The following DPP6 variants were observed in gnomAD, a reference collection of about 807,000 sequenced individuals.
DPP6 encodes the protein A-type potassium channel modulatory protein DPP6.
In DPP6, 69 loss-of-function variants were observed where a neutral mutation model predicts 122.6. The observed-to-expected ratio is 0.56, with a 90% CI of 0.46 to 0.69. The LOEUF (loss-of-function observed/expected upper bound fraction) is 0.69. DPP6 is among the 30% of genes least tolerant of loss of function. The probability of loss-of-function intolerance (pLI) is 0.00; values close to 1 mark genes in which losing one functional copy is unlikely to be tolerated. For synonymous variants in DPP6, 418 were observed against 433.1 expected, an observed-to-expected ratio of 0.97 and a Z score of 0.43; for missense variants, 928 against 1,116.9, an observed-to-expected ratio of 0.83 and a Z score of 2.41.
intron 3 of DPP6, among the ~76,000 whole-genome samples, chr7:154,485,139 C>A (rs1823673830): frequency 6.6e-6 from 1 of 152,034 alleles, no homozygotes; most frequent in South Asian, 2.1e-4. Context: ...AGCCTGTATC[C>A]CATGGCCAGC....
At chr7:153,988,382 C>G (rs1457171120) in intron 1 of DPP6, among the ~76,000 whole-genome samples, 3 of 152,066 alleles carry the variant, frequency 2.0e-5, no homozygotes, top group Non-Finnish European at 1.5e-5. Flanking sequence ...CCACTGTCCT[C>G]TGGTTTGCCT....
chr7:154,365,037 G>A (rs553051099), intron 1 of DPP6, among the ~76,000 whole-genome samples: 20 of 152,260 alleles, frequency 1.3e-4, no homozygotes, highest in African/African-American at 4.1e-4. Flanking sequence ...GAGTTACACC[G>A]GGCTTATACC....
chr7:154,060,946 C>T (rs1325174698), intron 1 of DPP6, among the ~76,000 whole-genome samples: 6 of 147,754 alleles, frequency 4.1e-5, no homozygotes, highest in Admixed American at 4.0e-4. Context: ...ATAGGACCCC[C>T]ATCGTTGATG....
intron 1 of DPP6, among the ~76,000 whole-genome samples, chr7:153,951,301 C>G (rs900489974): frequency 6.6e-6 from 1 of 152,178 alleles, no homozygotes; most frequent in Non-Finnish European, 1.5e-5. Flanking sequence ...ACAGGTGCAT[C>G]TGGACGCAAA....
At chr7:153,824,085 T>C in the DPP6 span, among the ~76,000 whole-genome samples, 2 of 152,160 alleles carry the variant, frequency 1.3e-5, no homozygotes, top group Non-Finnish European at 2.9e-5. Flanking sequence ...TTCTACCCTA[T>C]CACATCAGAA....
intron 7 of DPP6, among the ~76,000 whole-genome samples, chr7:154,673,840 A>G (rs544612781): frequency 5.1e-4 from 78 of 151,776 alleles, no homozygotes; most frequent in African/African-American, 1.8e-3. Flanking sequence ...TGTCCTCTTC[A>G]GATGAATCTG....
intron 10 of DPP6, among the ~76,000 whole-genome samples, chr7:154,788,648 G>A (rs1192407331): frequency 6.6e-6 from 1 of 152,214 alleles, no homozygotes; most frequent in South Asian, 2.1e-4. Context: ...ATAACTCAAA[G>A]GTTCTAGCAC....
chr7:153,880,136 A>G, the DPP6 span, among the ~76,000 whole-genome samples: 1 of 152,206 alleles, frequency 6.6e-6, no homozygotes, highest in African/African-American at 2.4e-5. Context: ...GCCATCTGTG[A>G]TATGAGCATT....
In DPP6 at chr7:154,561,257, T is replaced by C. The variant is rs1377022468; in HGVS notation, c.553-5585T>C. 2.0e-5 allele frequency among the ~76,000 whole-genome samples: 3 copies of C among 152,224 alleles called. No homozygotes were observed. The East Asian group carries it at 5.8e-4, about 29-fold the overall frequency. ...AACACTATTAACCAAGTCAACCGAA[T>C]TGACATGTGTGCATCACATCACTCA... On this transcript the variant is annotated intron_variant, in intron 4 of 25. Coordinates refer to ENST00000377770, the MANE Select transcript of DPP6 (RefSeq NM_130797.4).
chr7:154,130,446 G>A (rs779550268), intron 1 of DPP6, among the ~76,000 whole-genome samples: 11 of 152,184 alleles, frequency 7.2e-5, no homozygotes, highest in Non-Finnish European at 1.5e-4. Flanking sequence ...ATTTCATAAG[G>A]TAATGCTATG....
chr7:153,847,162 G>T, the DPP6 span, among the ~76,000 whole-genome samples: 1 of 152,070 alleles, frequency 6.6e-6, no homozygotes, highest in Non-Finnish European at 1.5e-5. Flanking sequence ...CCATTAGTTT[G>T]TTTTTATTTT....
chr7:154,749,902 AAG>A (rs1489883230), intron 8 of DPP6, among the ~76,000 whole-genome samples: 2 of 125,178 alleles, frequency 1.6e-5, no homozygotes, highest in African/African-American at 6.3e-5. Flanking sequence ...TAGGATGGGA[AAG>A]AGAGGGATGG....
chr7:154,529,663 G>T (rs946193146), intron 3 of DPP6, among the ~76,000 whole-genome samples: 1 of 152,128 alleles, frequency 6.6e-6, no homozygotes, highest in Non-Finnish European at 1.5e-5. Flanking sequence ...AGCCTGTTTT[G>T]CAATGAATGA....
At chr7:154,404,388 G>A (rs971776864) in intron 1 of DPP6, among the ~76,000 whole-genome samples, 2 of 152,188 alleles carry the variant, frequency 1.3e-5, no homozygotes, top group Non-Finnish European at 2.9e-5. Context: ...GTTCCTTGAA[G>A]ACAACAACAT....
At chr7:154,421,316 T>C (rs1586219433) in intron 1 of DPP6, among the ~76,000 whole-genome samples, 1 of 1,568 alleles carries the variant, frequency 6.4e-4, no homozygotes, top group African/African-American at 8.2e-4. Context: ...TGTCAGTTTC[T>C]TTTTTTTTTT....
chr7:154,030,361 T>C (rs1455230628), intron 1 of DPP6, among the ~76,000 whole-genome samples: 3 of 152,080 alleles, frequency 2.0e-5, no homozygotes, highest in African/African-American at 7.2e-5. Context: ...CAGAGGAGGC[T>C]TCTGTGGGGT....
upstream of DPP6, among the ~76,000 whole-genome samples, chr7:154,050,454 A>G (rs1235398288): frequency 6.6e-6 from 1 of 152,184 alleles, no homozygotes; most frequent in African/African-American, 2.4e-5. Context: ...TGTATATTAC[A>G]TAAGTGGGAC....
intron 7 of DPP6, among the ~76,000 whole-genome samples, chr7:154,709,375 TGTTGTTGTC>T (rs1841026515): frequency 6.8e-6 from 1 of 148,000 alleles, no homozygotes; most frequent in African/African-American, 2.6e-5. Context: ...TTGTTGTTGT[TGTTGTTGTC>T]GTTGCTATTT....
At chr7:154,390,599 A>C (rs371579015) in intron 1 of DPP6, among the ~76,000 whole-genome samples, 13 of 152,272 alleles carry the variant, frequency 8.5e-5, no homozygotes, top group African/African-American at 2.9e-4. Flanking sequence ...TTCAGGGGTG[A>C]GACTGCTTGT....
Sources: allele counts gnomAD v4.1 joint callset (sites outside exome capture counted in the v4.1 genomes callset), GRCh38; gene constraint gnomAD v4.1.1; transcripts MANE v1.5; gene names NCBI Gene and HGNC (gene_info 2026-07-23, HGNC 2026-07-21).